Variants in ZNF469 observed in about 807,000 individuals in gnomAD.
ZNF469 encodes zinc finger protein 469.
A neutral mutation model predicts 1.0 loss-of-function variants in ZNF469; 1 was observed. That is an observed-to-expected ratio of 1.00 (90% CI 0.35 to 4.73). The LOEUF (loss-of-function observed/expected upper bound fraction) is 4.73, where lower values mean the gene tolerates loss of function less well. Among genes scored for constraint, ZNF469 ranks in the 30% most tolerant of loss-of-function variants. ZNF469 has a pLI of 0.16. For synonymous variants in ZNF469, 2,703 were observed against 2,363.4 expected (o/e 1.14, Z -4.17); for missense variants, 6,100 against 5,356.3 (o/e 1.14, Z -4.33).
chr16:88,256,341 A>G, the ZNF469 span, among the ~76,000 whole-genome samples: 3 of 152,212 alleles, frequency 2.0e-5, no homozygotes, highest in Non-Finnish European at 4.4e-5. Context: ...TTGACTTAGT[A>G]ATATGCACTT....
At chr16:88,378,206 G>C (rs1246572168), upstream of ZNF469, among the ~76,000 whole-genome samples, 2 of 152,156 alleles carry the variant, frequency 1.3e-5, no homozygotes, top group Non-Finnish European at 2.9e-5. Flanking sequence ...GAAACTCAGA[G>C]AGGCCGCTGA....
At chr16:88,123,352 T>C in the ZNF469 span, among the ~76,000 whole-genome samples, 1 of 152,204 alleles carries the variant, frequency 6.6e-6, no homozygotes, top group East Asian at 1.9e-4. Flanking sequence ...CCTTTTATTG[T>C]TGAGCAGTGC....
chr16:88,326,583 C>T, the ZNF469 span, among the ~76,000 whole-genome samples: 18 of 152,296 alleles, frequency 1.2e-4, no homozygotes, highest in African/African-American at 2.9e-4. Flanking sequence ...GGCAGGACAC[C>T]GCATGTTTCC....
the ZNF469 span, among the ~76,000 whole-genome samples, chr16:88,248,120 C>T: frequency 6.6e-6 from 1 of 152,008 alleles, no homozygotes; most frequent in African/African-American, 2.4e-5. Flanking sequence ...CAGTCTCTGA[C>T]TTTGGGGGCT....
chr16:88,101,427 T>C, the ZNF469 span, among the ~76,000 whole-genome samples: 1 of 152,164 alleles, frequency 6.6e-6, no homozygotes, highest in Non-Finnish European at 1.5e-5. Context: ...GGCTTTGTCT[T>C]CTCTCCTTTT....
chr16:88,194,593 C>T, the ZNF469 span: 55,523 of 152,198 alleles, frequency 0.36, 12,241 homozygotes, highest in Non-Finnish European at 0.51. Flanking sequence ...CGGTCCTGGG[C>T]GTGGGGCGGG....
At chr16:88,272,193 G>T in the ZNF469 span, among the ~76,000 whole-genome samples, 4 of 140,292 alleles carry the variant, frequency 2.9e-5, no homozygotes, top group East Asian at 8.6e-4. Context: ...TGAATTGCGG[G>T]TTGTTAGATG....
At chr16:88,198,154 T>C in the ZNF469 span, among the ~76,000 whole-genome samples, 1 of 152,236 alleles carries the variant, frequency 6.6e-6, no homozygotes, top group African/African-American at 2.4e-5. Context: ...ACAGAGCCCT[T>C]TCCTGCCATC....
chr16:88,108,329 C>T, the ZNF469 span, among the ~76,000 whole-genome samples: 2 of 152,144 alleles, frequency 1.3e-5, no homozygotes, highest in South Asian at 2.1e-4. Flanking sequence ...TGGCCCTGGC[C>T]ATCCCTGTGG....
chr16:88,132,963 G>T, the ZNF469 span, among the ~76,000 whole-genome samples: 19 of 152,256 alleles, frequency 1.2e-4, no homozygotes, highest in African/African-American at 4.1e-4. Context: ...GAGCCAAGGC[G>T]TGCCACTCCA....
At chr16:88,214,640 G>A in the ZNF469 span, among the ~76,000 whole-genome samples, 1 of 152,094 alleles carries the variant, frequency 6.6e-6, no homozygotes, top group Non-Finnish European at 1.5e-5. Flanking sequence ...TTCTCCTAAT[G>A]TTATCCCTCC....
chr16:88,380,564 C>CA (rs1290594999), upstream of ZNF469, among the ~76,000 whole-genome samples: 3 of 144,470 alleles, frequency 2.1e-5, no homozygotes, highest in Non-Finnish European at 3.0e-5. Flanking sequence ...CACTCACACA[C>CA]AGACGCCCTC....
intron 1 of ZNF469, among the ~76,000 whole-genome samples, chr16:88,401,424 T>G (rs1904848842): frequency 6.6e-6 from 1 of 152,194 alleles, no homozygotes; most frequent in African/African-American, 2.4e-5. Context: ...GTCCTGATGA[T>G]GGACAGATGG....
At chr16:88,264,832 G>A in the ZNF469 span, among the ~76,000 whole-genome samples, 1 of 152,160 alleles carries the variant, frequency 6.6e-6, no homozygotes, top group East Asian at 1.9e-4. Flanking sequence ...CCTCGCGCCA[G>A]GCACAGGCGG....
At chr16:88,411,333 GAGCCCAACGC>G (rs920024322) in intron 1 of ZNF469, among the ~76,000 whole-genome samples, 5 of 152,174 alleles carry the variant, frequency 3.3e-5, no homozygotes, top group African/African-American at 1.2e-4. Context: ...GAGGCCTCCA[GAGCCCAACGC>G]AGCCCCGGCG....
chr16:88,184,050 C>T, the ZNF469 span, among the ~76,000 whole-genome samples: 1 of 151,776 alleles, frequency 6.6e-6, no homozygotes, highest in Non-Finnish European at 1.5e-5. Context: ...CACTTTGAGG[C>T]GGGCAGAAGT....
At chr16:88,230,504 A>T in the ZNF469 span, among the ~76,000 whole-genome samples, 1 of 152,006 alleles carries the variant, frequency 6.6e-6, no homozygotes, top group Non-Finnish European at 1.5e-5. Flanking sequence ...GAGGAGCGGA[A>T]CGTGGAACGC....
the ZNF469 span, among the ~76,000 whole-genome samples, chr16:88,145,060 G>T: frequency 6.6e-6 from 1 of 151,826 alleles, no homozygotes; most frequent in Non-Finnish European, 1.5e-5. Context: ...ATGTTGGCCA[G>T]GCTGGTCTCG....
At chr16:88,154,852 C>T in the ZNF469 span, among the ~76,000 whole-genome samples, 1 of 152,184 alleles carries the variant, frequency 6.6e-6, no homozygotes, top group Non-Finnish European at 1.5e-5. Context: ...GGTCTTCTCG[C>T]TCCAGATCAT....
Sources: allele counts gnomAD v4.1 joint callset (sites outside exome capture counted in the v4.1 genomes callset), GRCh38; gene constraint gnomAD v4.1.1; transcripts MANE v1.5; gene names NCBI Gene and HGNC (gene_info 2026-07-23, HGNC 2026-07-21).